Variants in MACROH2A1 observed in about 807,000 individuals in gnomAD.
MACROH2A1 encodes macroH2A.1 histone, also known as core histone macro-H2A.1.
In MACROH2A1, 2 loss-of-function variants were observed where a neutral mutation model predicts 31.6. The ratio of observed to expected loss-of-function variants is 0.06; its 90% CI spans 0.03 to 0.20. MACROH2A1 has a LOEUF of 0.20. Among genes scored for constraint, MACROH2A1 ranks in the 10% least tolerant of loss-of-function variants. The pLI, the probability that MACROH2A1 is intolerant of heterozygous loss-of-function variation, is 1.00. For synonymous variants in MACROH2A1, 169 were observed against 189.6 expected (o/e 0.89, Z 0.89); for missense variants, 230 against 474.0 (o/e 0.49, Z 4.78).
chr5:135,353,020 C>T lies in MACROH2A1; in HGVS notation c.614G>A (p.Ser205Asn). 1 of 1,605,416 alleles carries T rather than the reference C, an allele frequency of 6.2e-7. No homozygotes were observed. The highest frequency in any genetic ancestry group is 8.5e-7 in the Non-Finnish European group (1 of 1,172,150). The change falls in exon 6 of 9, where the codon AGT (serine) becomes AAT (asparagine). Residue 205 changes from serine (S) to asparagine (N), a missense_variant. Coordinates refer to ENST00000511689, the MANE Select transcript of MACROH2A1 (RefSeq NM_138610.3). ...CTCCACCTCAAAGCCGGCTAAATTA[C>T]TGATTTCACTGTGAATAAGGTTCAG... ...QKLNLIHSEI[S>N]NLAGFEVEAI...
chr5:135,352,101 A>C (rs1761657884), intron 6 of MACROH2A1, among the ~76,000 whole-genome samples: 1 of 152,196 alleles, frequency 6.6e-6, no homozygotes, highest in Non-Finnish European at 1.5e-5. Flanking sequence ...AAAACAGCAG[A>C]AGCTGAGAGC....
At chr5:135,389,604 C>T (rs1423559458) in intron 1 of MACROH2A1, among the ~76,000 whole-genome samples, 3 of 152,186 alleles carry the variant, frequency 2.0e-5, no homozygotes, top group African/African-American at 4.8e-5. Context: ...GAACAGCTTA[C>T]AGGAGTCAGT....
At chr5:135,341,934 C>T (rs1181725406) in intron 8 of MACROH2A1, among the ~76,000 whole-genome samples, 1 of 152,146 alleles carries the variant, frequency 6.6e-6, no homozygotes, top group Non-Finnish European at 1.5e-5. Flanking sequence ...GGGCAGAGAC[C>T]CCAGAAGGCT....
intron 4 of MACROH2A1, among the ~76,000 whole-genome samples, chr5:135,366,223 A>G (rs980827308): frequency 5.9e-5 from 9 of 152,146 alleles, no homozygotes; most frequent in African/African-American, 2.2e-4. Flanking sequence ...GCCTTTCTTC[A>G]CAGCAGCGTA....
chr5:135,344,317 A>G (rs2149739182), intron 7 of MACROH2A1: 1 of 152,102 alleles, frequency 6.6e-6, no homozygotes, highest in Non-Finnish European at 1.5e-5. Context: ...GAGTCTCCAC[A>G]CCACTGCTAA....
At chr5:135,365,100 A>G (rs1375196452) in intron 4 of MACROH2A1, among the ~76,000 whole-genome samples, 2 of 152,238 alleles carry the variant, frequency 1.3e-5, no homozygotes, top group Non-Finnish European at 2.9e-5. Flanking sequence ...TATGATTCTT[A>G]GCGTACATCT....
chr5:135,365,587 T>G (rs892102482), intron 4 of MACROH2A1, among the ~76,000 whole-genome samples: 1 of 152,232 alleles, frequency 6.6e-6, no homozygotes, highest in African/African-American at 2.4e-5. Context: ...CTACTGAGAA[T>G]AGTAACTAGT....
chr5:135,360,428 A>G, intron 5 of MACROH2A1, 69 bp downstream of exon 5: 4 of 1,016,908 alleles, frequency 3.9e-6, no homozygotes, highest in Non-Finnish European at 4.7e-6. Context: ...CCAGCCTTCC[A>G]GTGGAAGTAG....
At chr5:135,367,729 T>G (rs762034724) in intron 4 of MACROH2A1, among the ~76,000 whole-genome samples, 1 of 152,214 alleles carries the variant, frequency 6.6e-6, no homozygotes, top group Admixed American at 6.5e-5. Context: ...GTCCTGCCCC[T>G]GCTGGTCCTC....
intron 1 of MACROH2A1, among the ~76,000 whole-genome samples, chr5:135,396,957 T>C (rs1768086471): frequency 6.6e-6 from 1 of 151,972 alleles, no homozygotes; most frequent in South Asian, 2.1e-4. Context: ...CTACAGAATA[T>C]GGGAAGGACC....
At position 135,398,951 on chromosome 5, in the gene MACROH2A1, C is replaced by A. The variant is rs1028444814; in HGVS notation, c.-34+111G>T. 1 of 150,046 alleles carries A rather than the reference C, an allele frequency of 6.7e-6. No homozygotes were observed. Among genetic ancestry groups the A allele is most frequent in the Admixed American group, 6.6e-5 (1 of 15,088 alleles). 9.3% of individuals were successfully genotyped at this position (150,046 alleles called of 1,614,324 possible). The stretch of plus-strand genomic sequence containing the variant: ...CCACACCGAACCCGGCGGCCCGAGC[C>A]CGGCCCGCACCACACCGGTGCGCGC... On this transcript the variant is annotated intron_variant, in intron 1 of 8. Coordinates refer to ENST00000511689, the MANE Select transcript of MACROH2A1 (RefSeq NM_138610.3). The surrounding 1 kb of genome is among the most constrained non-coding windows in gnomAD (Gnocchi z 4.6).
chr5:135,347,197 G>A (rs1760950157), intron 6 of MACROH2A1: 1 of 152,196 alleles, frequency 6.6e-6, no homozygotes, highest in South Asian at 2.1e-4. Context: ...GATGACCAGG[G>A]TTAATTATCT....
intron 8 of MACROH2A1, chr5:135,338,110 C>A: frequency 1.8e-6 from 1 of 558,360 alleles, no homozygotes; most frequent in Non-Finnish European, 2.4e-6. Context: ...GGATGCCCTG[C>A]AAGAGCACTC....
intron 5 of MACROH2A1, chr5:135,353,689 A>C (rs1025474718): frequency 2.0e-4 from 31 of 152,312 alleles, no homozygotes; most frequent in African/African-American, 7.2e-4. Flanking sequence ...CAGCAAGACA[A>C]TGTGTCTTTT....
chr5:135,395,417 G>T (rs893138144), intron 1 of MACROH2A1, among the ~76,000 whole-genome samples: 2 of 152,210 alleles, frequency 1.3e-5, no homozygotes, highest in South Asian at 4.1e-4. Context: ...TGAGGATAGA[G>T]GAGTCTGAGC....
rs1802192 is a variant in MACROH2A1, at chr5:135,389,055, C to G, written c.39G>C (p.Thr13=). The stretch of plus-strand genomic sequence containing the variant: ...TGACTCCTGCTTTGGCAGACCTGGA[C>G]GTCTTGGTGGACTTCTTCTTCCCAC... ...SRGGKKKSTK[T]SRSAKAGVIF... is the part of the protein sequence containing the mutation. The change falls in exon 2 of 9, where the codon ACG becomes ACC. Residue 13 remains threonine, a synonymous_variant. Transcript: ENST00000511689. 1 of 1,613,992 alleles carries G rather than the reference C, an allele frequency of 6.2e-7. No homozygotes were observed. The highest frequency in any genetic ancestry group is 1.1e-5 in the South Asian group (1 of 91,064).
chr5:135,388,776 G>A (rs1766783550), intron 2 of MACROH2A1, 146 bp downstream of exon 2: 1 of 596,026 alleles, frequency 1.7e-6, no homozygotes. Context: ...GAGAATCTAG[G>A]TGAAAATGTT....
intron 8 of MACROH2A1, 42 bp from the exon 9 acceptor site, chr5:135,335,183 G>C: frequency 6.6e-7 from 1 of 1,523,826 alleles, no homozygotes; most frequent in Non-Finnish European, 9.1e-7. Flanking sequence ...GGGATGCCAC[G>C]GGGGCTGCAG....
intron 4 of MACROH2A1, chr5:135,361,456 T>G (rs150242110): frequency 1.3e-5 from 2 of 152,352 alleles, no homozygotes; most frequent in Non-Finnish European, 2.9e-5. Context: ...TTTTGGCATA[T>G]TTCTATTAAG....
Sources: allele counts gnomAD v4.1 joint callset (sites outside exome capture counted in the v4.1 genomes callset), GRCh38; gene constraint gnomAD v4.1.1; non-coding constraint Gnocchi (gnomAD v3.1); transcripts MANE v1.5; gene names NCBI Gene and HGNC (gene_info 2026-07-23, HGNC 2026-07-21).